SPHKAP: variants seen among roughly 807,000 people sequenced by gnomAD.
SPHKAP encodes the protein SPHK1 interactor, AKAP domain containing.
A neutral mutation model predicts 137.5 loss-of-function variants in SPHKAP; 67 were observed. That is an observed-to-expected ratio of 0.49 (90% CI 0.40 to 0.60). The LOEUF (loss-of-function observed/expected upper bound fraction) is 0.60, where lower values mean the gene tolerates loss of function less well. Among genes scored for constraint, SPHKAP ranks in the 20% least tolerant of loss-of-function variants. The probability of loss-of-function intolerance (pLI) is 0.00; values close to 1 mark genes in which losing one functional copy is unlikely to be tolerated. For synonymous variants in SPHKAP, 813 were observed against 785.3 expected (o/e 1.04, Z -0.59); for missense variants, 2,097 against 2,069.3 (o/e 1.01, Z -0.26).
intron 3 of SPHKAP, among the ~76,000 whole-genome samples, chr2:228,028,905 GAAAGTT>G (rs1038964994): frequency 7.2e-5 from 11 of 152,088 alleles, no homozygotes; most frequent in Admixed American, 4.6e-4. Flanking sequence ...TTGGAGAAAA[GAAAGTT>G]AAAGTTTTCA....
chr2:228,044,583 C>CA (rs1695963721), intron 3 of SPHKAP, among the ~76,000 whole-genome samples: 1 of 151,324 alleles, frequency 6.6e-6, no homozygotes, highest in Non-Finnish European at 1.5e-5. Flanking sequence ...ACTCACTTTT[C>CA]AAAAAAAATG....
intron 1 of SPHKAP, among the ~76,000 whole-genome samples, chr2:228,176,860 A>G (rs187611958): frequency 0.015 from 2,344 of 152,310 alleles, 33 homozygotes; most frequent in South Asian, 0.029. Context: ...GGGCAACAAG[A>G]GCGAAACTCC....
intron 3 of SPHKAP, among the ~76,000 whole-genome samples, chr2:228,039,601 C>A (rs1695763041): frequency 6.6e-6 from 1 of 151,808 alleles, no homozygotes; most frequent in African/African-American, 2.4e-5. Context: ...TTGTGAAAAG[C>A]TAATGTGAGG....
At chr2:228,171,472 A>G (rs1700582906) in intron 1 of SPHKAP, among the ~76,000 whole-genome samples, 1 of 152,180 alleles carries the variant, frequency 6.6e-6, no homozygotes, top group Non-Finnish European at 1.5e-5. Context: ...AAGTTTGCTT[A>G]TATTGTATAG....
intron 1 of SPHKAP, among the ~76,000 whole-genome samples, chr2:228,141,182 G>A (rs1027596597): frequency 1.3e-5 from 2 of 152,156 alleles, no homozygotes; most frequent in South Asian, 4.1e-4. Flanking sequence ...TAGTGTGTTG[G>A]CATTCAAGAA....
At chr2:228,002,428 T>C (rs1693945697) in intron 7 of SPHKAP, among the ~76,000 whole-genome samples, 1 of 152,214 alleles carries the variant, frequency 6.6e-6, no homozygotes, top group Non-Finnish European at 1.5e-5. Flanking sequence ...TTTTTTTTCC[T>C]GTAAATTTGT....
intron 1 of SPHKAP, among the ~76,000 whole-genome samples, chr2:228,174,795 G>A (rs1282181246): frequency 6.6e-6 from 1 of 152,086 alleles, no homozygotes; most frequent in Non-Finnish European, 1.5e-5. Context: ...AATTTAAATG[G>A]TTCTGATGGA....
At position 228,018,177 on chromosome 2, in the gene SPHKAP, G is replaced by C; in HGVS notation, c.2677C>G (p.Arg893Gly). 1.2e-6 allele frequency: 2 copies of C among 1,614,196 alleles called. No homozygotes were observed. Among genetic ancestry groups the C allele is most frequent in the Non-Finnish European group, 1.7e-6 (2 of 1,180,034 alleles). The stretch of plus-strand genomic sequence containing the variant: ...AGGTTGACTTGAACTTCGTTGATGC[G>C]AGATGTGGCACAGTTGTACTTTTCT... The part of the protein sequence containing the change: ...TQEKYNCATS[R>G]INEVQVNLSL... The change falls in exon 7 of 12, where the codon CGC becomes GGC. Residue 893 changes from arginine (R) to glycine (G), a missense_variant. By Grantham distance (125) the Arg-to-Gly change is moderately radical (BLOSUM62 -2). Transcript: ENST00000392056.
chr2:227,983,922 G>T lies in SPHKAP; in HGVS notation c.4960-2062C>A, dbSNP rs574904340. On this transcript the variant is annotated intron_variant, in intron 11 of 11. Coordinates refer to ENST00000392056, the MANE Select transcript of SPHKAP (RefSeq NM_001142644.2). ...TGGTGACTGAGTGGGAATATACGTT[G>T]TGGGGGTGAGATGTGGGGCTGCTTC... Among the ~76,000 whole-genome samples, 6 of 152,050 alleles carry T rather than the reference G, an allele frequency of 3.9e-5. No homozygotes were observed. The South Asian group carries it at 1.2e-3, about 32-fold the overall frequency.
At chr2:228,033,372 C>T (rs1695432697) in intron 3 of SPHKAP, among the ~76,000 whole-genome samples, 1 of 152,204 alleles carries the variant, frequency 6.6e-6, no homozygotes, top group Admixed American at 6.5e-5. Context: ...CACCAAGATT[C>T]ATAAAGCAAG....
rs571364402 is a variant in SPHKAP, at chr2:228,083,423, T to C, written c.246+25409A>G. 2.6e-5 allele frequency among the ~76,000 whole-genome samples: 4 copies of C among 152,366 alleles called. No individual in the cohort carries two copies. The South Asian group carries it at 8.3e-4, about 32-fold the overall frequency. The stretch of plus-strand genomic sequence containing the variant: ...ATCTCCTTGTGATTTTGATTTGCAT[T>C]TCTCTGATGACCGGTGTTGATAAGC... On this transcript the variant is annotated intron_variant, in intron 3 of 11. Transcript: ENST00000392056.
At chr2:228,157,053 A>G (rs1471590521) in intron 1 of SPHKAP, among the ~76,000 whole-genome samples, 1 of 152,162 alleles carries the variant, frequency 6.6e-6, no homozygotes, top group Non-Finnish European at 1.5e-5. Flanking sequence ...AAACATCCCT[A>G]CCTTCGTGGA....
At chr2:228,166,048 C>A (rs111495392) in intron 1 of SPHKAP, among the ~76,000 whole-genome samples, 11,030 of 152,202 alleles carry the variant, frequency 0.072, 1,177 homozygotes, top group African/African-American at 0.24. Flanking sequence ...AGAGTGAGAA[C>A]AGTTAATGTC....
intron 3 of SPHKAP, among the ~76,000 whole-genome samples, chr2:228,087,475 A>C (rs1697575502): frequency 6.6e-6 from 1 of 152,204 alleles, no homozygotes; most frequent in African/African-American, 2.4e-5. Context: ...TGTCAGCTTT[A>C]ACAGACAAGG....
intron 3 of SPHKAP, among the ~76,000 whole-genome samples, chr2:228,056,473 C>A (rs1455639370): frequency 6.6e-6 from 1 of 151,930 alleles, no homozygotes; most frequent in African/African-American, 2.4e-5. Flanking sequence ...CCTGGAGGTA[C>A]CTGCTTTCCC....
intron 2 of SPHKAP, among the ~76,000 whole-genome samples, chr2:228,126,007 G>A (rs780059580): frequency 1.3e-5 from 2 of 152,258 alleles, no homozygotes; most frequent in Non-Finnish European, 2.9e-5. Context: ...TTGAACCCAA[G>A]AAGCAGAGGT....
At chr2:227,990,547 A>G (rs1349708274) in intron 11 of SPHKAP, among the ~76,000 whole-genome samples, 1 of 152,184 alleles carries the variant, frequency 6.6e-6, no homozygotes, top group Middle Eastern at 3.2e-3. Flanking sequence ...GGTGGAGAAT[A>G]ATAAATAAAA....
At chr2:228,052,533 A>G (rs1008039317) in intron 3 of SPHKAP, among the ~76,000 whole-genome samples, 3 of 152,210 alleles carry the variant, frequency 2.0e-5, no homozygotes, top group Non-Finnish European at 4.4e-5. Flanking sequence ...CATCAGAGCA[A>G]TATCATTGAA....
intron 3 of SPHKAP, among the ~76,000 whole-genome samples, chr2:228,055,674 T>A (rs1053127039): frequency 2.6e-5 from 4 of 152,128 alleles, no homozygotes; most frequent in Admixed American, 2.0e-4. Flanking sequence ...TCTTAGAGAG[T>A]GCTATTGCAT....
Sources: gnomAD v4.1 joint callset for allele counts (sites outside exome capture counted in the v4.1 genomes callset) on GRCh38, gnomAD v4.1.1 for gene constraint, MANE v1.5 for transcripts, NCBI Gene and HGNC (gene_info 2026-07-23, HGNC 2026-07-21) for gene names.